The following QRSL1 variants were observed in gnomAD, a reference collection of about 807,000 sequenced individuals.
QRSL1 encodes glutamyl-tRNA(Gln) amidotransferase subunit A, mitochondrial.
In QRSL1, 54 loss-of-function variants were observed where a neutral mutation model predicts 61.6. The ratio of observed to expected loss-of-function variants is 0.88; its 90% CI spans 0.70 to 1.10. QRSL1 has a LOEUF of 1.10. QRSL1 is among the 50% of genes least tolerant of loss of function. The pLI is 0.00. For synonymous variants in QRSL1, 228 were observed against 225.7 expected, an observed-to-expected ratio of 1.01 and a Z score of -0.09; for missense variants, 505 against 622.6, an observed-to-expected ratio of 0.81 and a Z score of 2.01.
At chr6:106,660,266 A>G (rs1777335338) in intron 9 of QRSL1, among the ~76,000 whole-genome samples, 1 of 152,032 alleles carries the variant, frequency 6.6e-6, no homozygotes, top group Non-Finnish European at 1.5e-5. Flanking sequence ...TGGCATGACC[A>G]TGGCTCACTG....
intron 9 of QRSL1, among the ~76,000 whole-genome samples, chr6:106,659,693 G>A (rs1451555901): frequency 1.3e-5 from 2 of 152,120 alleles, no homozygotes; most frequent in African/African-American, 4.8e-5. Flanking sequence ...TGCAATAAAG[G>A]TGCTTGGAAT....
At chr6:106,657,870 A>G (rs1167865209) in intron 9 of QRSL1, among the ~76,000 whole-genome samples, 2 of 152,046 alleles carry the variant, frequency 1.3e-5, no homozygotes, top group Non-Finnish European at 2.9e-5. Context: ...ACACACAGCT[A>G]ATTTTTGTAT....
At position 106,649,042 on chromosome 6, in the gene QRSL1, G is replaced by T. The variant is rs1562168768; in HGVS notation, c.398G>T (p.Gly133Val). The T allele has an allele frequency of 4.3e-6, 7 of 1,611,906 alleles. No individual in the cohort carries two copies. The East Asian group carries it at 1.6e-4, about 36-fold the overall frequency. The change falls in exon 5 of 11, where the codon GGT (glycine) becomes GTT (valine). Residue 133 changes from glycine (G) to valine (V), a missense_variant. Gly to Val is a moderately radical substitution (Grantham distance 109). Transcript: ENST00000369046. The stretch of plus-strand genomic sequence containing the variant: ...GTCATCAGATCTGGGAGCACAGATG[G>T]TGTATTTGGACCAGTTAAAAACCCC... The part of the protein sequence containing the change: ...EFAMGSGSTD[G>V]VFGPVKNPWS...
chr6:106,630,122 C>T (rs1440787662), intron 1 of QRSL1, among the ~76,000 whole-genome samples: 2 of 152,130 alleles, frequency 1.3e-5, no homozygotes, highest in Non-Finnish European at 1.5e-5. Flanking sequence ...TAATTTTTGG[C>T]TTTTTTCAAA....
At position 106,629,697 on chromosome 6, in the gene QRSL1, C is replaced by T. The variant is rs373031772; in HGVS notation, c.16C>T (p.Leu6Phe). The change falls in exon 1 of 11, where the codon CTC becomes TTC. Residue 6 changes from leucine to phenylalanine, a missense_variant. By Grantham distance (22) the Leu-to-Phe change is conservative (BLOSUM62 0). Transcript: ENST00000369046. ...CACGAGGACCATGCTGGGCCGGAGC[C>T]TCCGAGAAGTGAGTGGAATTGGCCC... The part of the protein sequence containing the change: MLGRS[L>F]REVSAALKQG... 5.0e-5 allele frequency: 81 copies of T among 1,606,450 alleles called. No homozygotes were observed. Among genetic ancestry groups the T allele is most frequent in the Middle Eastern group, 1.6e-4 (1 of 6,068 alleles).
At chr6:106,633,310 C>A (rs1426726082) in intron 1 of QRSL1, among the ~76,000 whole-genome samples, 3 of 152,192 alleles carry the variant, frequency 2.0e-5, no homozygotes, top group Non-Finnish European at 2.9e-5. Context: ...TTAATTAATT[C>A]ATACAAATTA....
intron 1 of QRSL1, among the ~76,000 whole-genome samples, chr6:106,634,330 A>G (rs1776886932): frequency 6.6e-6 from 1 of 152,244 alleles, no homozygotes; most frequent in Non-Finnish European, 1.5e-5. Flanking sequence ...TTGAGGCCAC[A>G]GTAGGGAGTA....
intron 10 of QRSL1, among the ~76,000 whole-genome samples, chr6:106,664,761 G>A (rs57770734): frequency 0.015 from 2,299 of 152,238 alleles, 60 homozygotes; most frequent in African/African-American, 0.053. Context: ...TGATCACTTC[G>A]CTAAGGAAGT....
intron 5 of QRSL1, among the ~76,000 whole-genome samples, chr6:106,651,130 A>C (rs1246443563): frequency 6.6e-6 from 1 of 151,974 alleles, no homozygotes; most frequent in Non-Finnish European, 1.5e-5. Flanking sequence ...GAATTTGATT[A>C]CTCTAGTTAT....
chr6:106,630,394 A>G (rs1776797471), intron 1 of QRSL1, among the ~76,000 whole-genome samples: 1 of 152,206 alleles, frequency 6.6e-6, no homozygotes, highest in African/African-American at 2.4e-5. Context: ...TTAATGGCAC[A>G]ACTATTATCT....
intron 1 of QRSL1, among the ~76,000 whole-genome samples, chr6:106,632,933 C>T (rs547786505): frequency 6.6e-6 from 1 of 152,284 alleles, no homozygotes; most frequent in African/African-American, 2.4e-5. Flanking sequence ...CTTGACCTTC[C>T]TTGGCTCCAT....
intron 1 of QRSL1, among the ~76,000 whole-genome samples, chr6:106,630,911 C>G (rs1020347388): frequency 6.6e-6 from 1 of 152,166 alleles, no homozygotes; most frequent in Non-Finnish European, 1.5e-5. Context: ...TTTTAAATTG[C>G]GTCGAATCAA....
chr6:106,665,172 A>G (rs1777411570), intron 10 of QRSL1, among the ~76,000 whole-genome samples: 1 of 152,188 alleles, frequency 6.6e-6, no homozygotes, highest in Non-Finnish European at 1.5e-5. Flanking sequence ...TTATTGTATA[A>G]CAAGATGGTC....
At chr6:106,638,678 G>A (rs1489701000) in intron 1 of QRSL1, among the ~76,000 whole-genome samples, 2 of 152,000 alleles carry the variant, frequency 1.3e-5, no homozygotes. Context: ...TCCTTAAATC[G>A]GACCTTGCTG....
At chr6:106,639,346 C>T (rs764230129) in intron 1 of QRSL1, among the ~76,000 whole-genome samples, 20 of 151,868 alleles carry the variant, frequency 1.3e-4, no homozygotes, top group East Asian at 1.9e-4. Flanking sequence ...GGATGGTCTC[C>T]ATCTCCTGAC....
Position 106,629,693 on chromosome 6 carries a change from G to A in QRSL1, c.12G>A (p.Arg4=). The change falls in exon 1 of 11, where the codon CGG becomes CGA. Residue 4 remains arginine (R), a synonymous_variant. Coordinates refer to ENST00000369046, the MANE Select transcript of QRSL1 (RefSeq NM_018292.5). ...TGGGCACGAGGACCATGCTGGGCCG[G>A]AGCCTCCGAGAAGTGAGTGGAATTG... MLG[R]SLREVSAALK... 6.2e-7 allele frequency: 1 copy of A among 1,606,368 alleles called. No individual in the cohort carries two copies. The highest frequency in any genetic ancestry group is 8.5e-7 in the Non-Finnish European group (1 of 1,177,104).
chr6:106,630,544 CCT>C (rs1256259539), intron 1 of QRSL1, among the ~76,000 whole-genome samples: 1 of 152,142 alleles, frequency 6.6e-6, no homozygotes, highest in Admixed American at 6.5e-5. Flanking sequence ...CTTTTTGCTT[CCT>C]GGTTCACGTC....
intron 1 of QRSL1, among the ~76,000 whole-genome samples, chr6:106,637,873 C>A (rs1353950962): frequency 1.3e-5 from 2 of 152,194 alleles, no homozygotes; most frequent in Non-Finnish European, 2.9e-5. Flanking sequence ...CACTTCTCTT[C>A]TCCACTTCCC....
intron 9 of QRSL1, among the ~76,000 whole-genome samples, chr6:106,656,809 A>G (rs1244581009): frequency 6.6e-6 from 1 of 152,006 alleles, no homozygotes; most frequent in East Asian, 1.9e-4. Context: ...AGCTTGCACC[A>G]CCATGCCCAG....
Sources: gnomAD v4.1 joint callset for allele counts (sites outside exome capture counted in the v4.1 genomes callset) on GRCh38, gnomAD v4.1.1 for gene constraint, MANE v1.5 for transcripts, NCBI Gene and HGNC (gene_info 2026-07-23, HGNC 2026-07-21) for gene names.